The following ST6GALNAC3 variants were observed in gnomAD, a reference collection of about 807,000 sequenced individuals.
ST6GALNAC3 encodes the protein alpha-N-acetylgalactosaminide alpha-2,6-sialyltransferase 3.
ST6GALNAC3 carries 25 observed loss-of-function variants against 32.7 expected under a neutral mutation model. The observed-to-expected ratio is 0.76, with a 90% CI of 0.56 to 1.07. The LOEUF (loss-of-function observed/expected upper bound fraction) is 1.07, where lower values mean the gene tolerates loss of function less well. ST6GALNAC3 is among the 50% of genes least tolerant of loss of function. The probability of loss-of-function intolerance (pLI) is 0.00; values close to 1 mark genes in which losing one functional copy is unlikely to be tolerated. For missense variants in ST6GALNAC3, 355 were observed against 382.4 expected (o/e 0.93, Z 0.60); for synonymous variants, 129 against 133.1 (o/e 0.97, Z 0.21).
At chr1:76,373,240 A>C (rs1181320022) in intron 2 of ST6GALNAC3, among the ~76,000 whole-genome samples, 3 of 152,184 alleles carry the variant, frequency 2.0e-5, no homozygotes, top group Admixed American at 6.5e-5. Context: ...TCGGGTTCAA[A>C]TTATGCCTCT....
chr1:76,424,482 TAAG>T (rs1655240900), intron 3 of ST6GALNAC3, among the ~76,000 whole-genome samples: 1 of 151,890 alleles, frequency 6.6e-6, no homozygotes, highest in African/African-American at 2.4e-5. Flanking sequence ...TATTAAATAA[TAAG>T]AAGAGTTTCC....
At chr1:76,567,810 G>A (rs1372161840) in intron 3 of ST6GALNAC3, among the ~76,000 whole-genome samples, 14 of 152,106 alleles carry the variant, frequency 9.2e-5, no homozygotes, top group Admixed American at 9.2e-4. Context: ...TAATCATTTT[G>A]TAGAATGTGA....
chr1:76,104,756 G>C (rs1647405096), intron 1 of ST6GALNAC3, among the ~76,000 whole-genome samples: 1 of 152,044 alleles, frequency 6.6e-6, no homozygotes, highest in Non-Finnish European at 1.5e-5. Flanking sequence ...ATTTACAAAA[G>C]AAAAAGGTTT....
intron 2 of ST6GALNAC3, among the ~76,000 whole-genome samples, chr1:76,327,275 C>CAT: frequency 7.2e-6 from 1 of 138,760 alleles, no homozygotes; most frequent in East Asian, 2.2e-4. Context: ...TGTATATATG[C>CAT]GTGTGTGTGT....
chr1:76,429,443 C>T (rs186261554), intron 3 of ST6GALNAC3, among the ~76,000 whole-genome samples: 1 of 152,246 alleles, frequency 6.6e-6, no homozygotes, highest in East Asian at 1.9e-4. Flanking sequence ...TATTTTATAT[C>T]TATATCATAA....
At chr1:76,368,052 A>C (rs1408914696) in intron 2 of ST6GALNAC3, among the ~76,000 whole-genome samples, 1 of 152,148 alleles carries the variant, frequency 6.6e-6, no homozygotes, top group African/African-American at 2.4e-5. Context: ...CACCAAGAGA[A>C]TGCTCATCAC....
At chr1:76,373,462 T>C (rs1650990149) in intron 2 of ST6GALNAC3, among the ~76,000 whole-genome samples, 1 of 152,192 alleles carries the variant, frequency 6.6e-6, no homozygotes, top group African/African-American at 2.4e-5. Flanking sequence ...TTGTTTTACT[T>C]GTGCTAAAAA....
chr1:76,370,462 A>G (rs1650729321), intron 2 of ST6GALNAC3, among the ~76,000 whole-genome samples: 1 of 152,146 alleles, frequency 6.6e-6, no homozygotes, highest in East Asian at 1.9e-4. Context: ...CATTCCCTTC[A>G]TAGACATATC....
At chr1:76,535,028 C>G (rs1663509926) in intron 3 of ST6GALNAC3, among the ~76,000 whole-genome samples, 1 of 151,952 alleles carries the variant, frequency 6.6e-6, no homozygotes. Flanking sequence ...AACAATTTTT[C>G]AACATGAAAT....
intron 1 of ST6GALNAC3, among the ~76,000 whole-genome samples, chr1:76,112,124 T>TC (rs1383916507): frequency 1.2e-5 from 1 of 82,594 alleles, no homozygotes; most frequent in African/African-American, 4.9e-5. Context: ...GGGCTGACAC[T>TC]CCCACCTCCC....
intron 1 of ST6GALNAC3, among the ~76,000 whole-genome samples, chr1:76,260,395 G>C (rs1415031114): frequency 6.6e-6 from 1 of 152,186 alleles, no homozygotes; most frequent in African/African-American, 2.4e-5. Context: ...TGATCTTTAA[G>C]GCAATTAGGT....
At position 76,128,840 on chromosome 1, in the gene ST6GALNAC3, G is replaced by C. The variant is rs1004072457; in HGVS notation, c.18+53956G>C. 3.3e-5 allele frequency among the ~76,000 whole-genome samples: 5 copies of C among 152,324 alleles called. No individual in the cohort carries two copies. In the East Asian group the frequency reaches 9.6e-4, roughly 29 times the overall value. On this transcript the variant is annotated intron_variant, in intron 1 of 4. Coordinates refer to ENST00000328299, the MANE Select transcript of ST6GALNAC3 (RefSeq NM_152996.4). ...ATTTAGTCAGTTAAAAAAGTCAAAG[G>C]AAGAGTCTAGTGGATACACAGGTTT...
chr1:76,622,444 A>C (rs1648709999), intron 3 of ST6GALNAC3, among the ~76,000 whole-genome samples: 1 of 151,994 alleles, frequency 6.6e-6, no homozygotes, highest in South Asian at 2.1e-4. Context: ...GAATGAGCAG[A>C]GTAGGAACTG....
chr1:76,598,856 T>G (rs1285969709), intron 3 of ST6GALNAC3, among the ~76,000 whole-genome samples: 1 of 152,202 alleles, frequency 6.6e-6, no homozygotes, highest in Non-Finnish European at 1.5e-5. Context: ...ATATGCTTCT[T>G]CCTAAACTTA....
At chr1:76,091,873 A>C (rs953940663) in intron 1 of ST6GALNAC3, among the ~76,000 whole-genome samples, 1 of 152,242 alleles carries the variant, frequency 6.6e-6, no homozygotes, top group Non-Finnish European at 1.5e-5. Flanking sequence ...TTCTCAGAAC[A>C]TATCCCTATC....
At chr1:76,535,924 C>T (rs565072206) in intron 3 of ST6GALNAC3, among the ~76,000 whole-genome samples, 13 of 152,058 alleles carry the variant, frequency 8.5e-5, no homozygotes, top group African/African-American at 2.4e-4. Context: ...ATTTGCTTCA[C>T]GAGCAAAAAT....
At chr1:76,349,122 A>G (rs1648764570) in intron 2 of ST6GALNAC3, among the ~76,000 whole-genome samples, 1 of 152,152 alleles carries the variant, frequency 6.6e-6, no homozygotes. Flanking sequence ...ATATTTACAT[A>G]TGTAACATTA....
intron 1 of ST6GALNAC3, among the ~76,000 whole-genome samples, chr1:76,167,676 T>C (rs971619933): frequency 1.3e-5 from 2 of 152,144 alleles, no homozygotes; most frequent in African/African-American, 4.8e-5. Context: ...CTCATTATTG[T>C]CTGTTCAGGG....
chr1:76,150,096 T>C (rs1650945075), intron 1 of ST6GALNAC3, among the ~76,000 whole-genome samples: 1 of 152,200 alleles, frequency 6.6e-6, no homozygotes, highest in South Asian at 2.1e-4. Context: ...CGTTTCCTTC[T>C]CCTCAGGATG....
Sources: allele counts gnomAD v4.1 joint callset (sites outside exome capture counted in the v4.1 genomes callset), GRCh38; gene constraint gnomAD v4.1.1; transcripts MANE v1.5; gene names NCBI Gene and HGNC (gene_info 2026-07-23, HGNC 2026-07-21).